Variants in CD207 observed in about 807,000 individuals in gnomAD.
The protein encoded by CD207 is CD207 molecule, also known as C-type lectin domain family 4 member K.
CD207 carries 28 observed loss-of-function variants against 31.6 expected under a neutral mutation model. The observed-to-expected ratio is 0.89, with a 90% CI of 0.66 to 1.21. CD207 has a LOEUF of 1.21. Ranked by LOEUF, CD207 falls within the 50% of genes most tolerant of loss-of-function variation. The pLI, the probability that CD207 is intolerant of heterozygous loss-of-function variation, is 0.00. For synonymous variants in CD207, 168 were observed against 153.9 expected, an observed-to-expected ratio of 1.09 and a Z score of -0.68; for missense variants, 388 against 397.8, an observed-to-expected ratio of 0.98 and a Z score of 0.21.
rs1180662392 is a variant in CD207 at position 70,833,765 on chromosome 2, G to A, written c.446C>T (p.Thr149Ile). 2 of 1,613,972 alleles carry A rather than the reference G, an allele frequency of 1.2e-6. No homozygotes were observed. The highest frequency in any genetic ancestry group is 1.7e-5 in the Admixed American group (1 of 60,016). Residue 149 changes from threonine to isoleucine, a missense_variant, in exon 3 of 6, where the codon ACC becomes ATC. Coordinates refer to ENST00000410009, the MANE Select transcript of CD207 (RefSeq NM_015717.5). ...ILTRSWEEVS[T>I]LNAQIPELKS... ...TAACTCTGGGATTTGGGCATTTAAG[G>A]TACTGACTTCTTCCCAACTTCTTGT...
intron 3 of CD207, 114 bp downstream of exon 3, chr2:70,833,532 C>G (rs564887250): frequency 8.0e-7 from 1 of 1,245,994 alleles, no homozygotes; most frequent in Non-Finnish European, 1.1e-6. Flanking sequence ...ATGGCTGCCC[C>G]TCTTTTGCCC....
intron 5 of CD207, 73 bp downstream of exon 5, chr2:70,831,628 C>T (rs1395954306): frequency 2.1e-5 from 19 of 887,592 alleles, no homozygotes; most frequent in Non-Finnish European, 2.9e-5. Context: ...TGGGGAACAT[C>T]GCCCCCACTC....
chr2:70,832,511 G>A (rs1480712398), intron 4 of CD207, among the ~76,000 whole-genome samples: 1 of 152,190 alleles, frequency 6.6e-6, no homozygotes, highest in African/African-American at 2.4e-5. Flanking sequence ...CCTGTTCCAG[G>A]AGTACTGGAA....
chr2:70,831,754 T>C lies in CD207; in HGVS notation c.783A>G (p.Glu261=). Residue 261 remains glutamate, a synonymous_variant, in exon 5 of 6, where the codon GAA becomes GAG. Coordinates refer to ENST00000410009, the MANE Select transcript of CD207 (RefSeq NM_015717.5). ...TGTCATCCACCCAGGACCAGTCCCC[T>C]TCCATCCCTGCTTTAGTCAGGCCAA... ...YWIGLTKAGM[E]GDWSWVDDTP... is the part of the protein sequence containing the mutation. The C allele has an allele frequency of 6.2e-7, 1 of 1,613,790 alleles. No homozygotes were observed. The highest frequency in any genetic ancestry group is 1.1e-5 in the South Asian group (1 of 91,086).
At chr2:70,824,621 C>CAAAGAAAAAAAAAAA in the CD207 span, among the ~76,000 whole-genome samples, 1 of 38,252 alleles carries the variant, frequency 2.6e-5, no homozygotes, top group Non-Finnish European at 4.8e-5. Context: ...TGCTTAGTTA[C>CAAAGAAAAAAAAAAA]CAAAAAAAAA....
chr2:70,831,028 G>T lies in CD207; in HGVS notation c.*22C>A, dbSNP rs781875236. On this transcript the variant is annotated 3_prime_UTR_variant, in exon 6 of 6. Transcript: ENST00000410009. ...TTTAACAAGCGTTGGAGCTCAAAGA[G>T]TGAGCTTGGGAGCCTGTCCTGTCAC... 5.6e-6 allele frequency: 9 copies of T among 1,602,888 alleles called. No individual in the cohort carries two copies. The highest frequency in any genetic ancestry group is 1.7e-5 in the Admixed American group (1 of 59,010).
chr2:70,835,698 G>T lies in CD207; in HGVS notation c.73+6C>A. 1.2e-6 allele frequency: 2 copies of T among 1,613,380 alleles called. No individual in the cohort carries two copies. Among genetic ancestry groups the T allele is most frequent in the Non-Finnish European group, 1.7e-6 (2 of 1,179,532 alleles). On this transcript the variant is annotated splice_donor_region_variant and intron_variant, in intron 1 of 5. Coordinates refer to ENST00000410009, the MANE Select transcript of CD207 (RefSeq NM_015717.5). The stretch of plus-strand genomic sequence containing the variant: ...GGAGCAGGTTCTCAGCAGCGATGTG[G>T]CTTGCCTCGGGGCCAGAGGGAGATG...
intron 4 of CD207, among the ~76,000 whole-genome samples, chr2:70,832,100 A>G (rs540022027): frequency 2.0e-5 from 3 of 152,362 alleles, no homozygotes; most frequent in South Asian, 4.1e-4. Flanking sequence ...ACTCCAGAGC[A>G]CGGACCGCAA....
chr2:70,824,575 G>A, the CD207 span, among the ~76,000 whole-genome samples: 50 of 127,902 alleles, frequency 3.9e-4, no homozygotes, highest in Middle Eastern at 5.6e-3. Context: ...CTCAAGATGA[G>A]CCTGGAGCAT....
chr2:70,825,480 ACT>A (rs1553398783), downstream of CD207, among the ~76,000 whole-genome samples: 1 of 151,884 alleles, frequency 6.6e-6, no homozygotes, highest in African/African-American at 2.4e-5. Context: ...GTATATAGAA[ACT>A]CTCTGTATTA....
At chr2:70,833,153 G>C (rs1300317034) in intron 3 of CD207, 102 bp from the exon 4 acceptor site, 7 of 1,104,042 alleles carry the variant, frequency 6.3e-6, no homozygotes, top group Non-Finnish European at 9.5e-6. Flanking sequence ...GCAGCAAATG[G>C]AGCTGTGCGC....
Position 70,831,808 on chromosome 2 carries a change from A to G in CD207, c.729T>C (p.Tyr243=). The change falls in exon 5 of 6, where the codon TAT becomes TAC. Residue 243 remains tyrosine, a synonymous_variant. Transcript: ENST00000410009. ...VTSESEQEFL[Y]KTAGGLIYWI... ...AGTAGATGAGTCCCCCCGCTGTTTTATACAGAAACTCCTGTAGGAAAGACA... is the reference window on the plus strand; with the variant it reads ...AGTAGATGAGTCCCCCCGCTGTTTTGTACAGAAACTCCTGTAGGAAAGACA... 2 of 1,603,154 alleles carry G rather than the reference A, an allele frequency of 1.2e-6. No individual in the cohort carries two copies. The highest frequency in any genetic ancestry group is 1.7e-6 in the Non-Finnish European group (2 of 1,170,266).
downstream of CD207, among the ~76,000 whole-genome samples, chr2:70,828,905 C>A (rs1677405878): frequency 6.6e-6 from 1 of 152,098 alleles, no homozygotes; most frequent in East Asian, 1.9e-4. Context: ...CCTCAGGTGA[C>A]CCACCCACTT....
At chr2:70,832,757 T>G in intron 4 of CD207, 143 bp downstream of exon 4, 1 of 797,030 alleles carries the variant, frequency 1.3e-6, no homozygotes, top group South Asian at 2.8e-5. Context: ...CCGGCCCTTA[T>G]TCGACATGCT....
In CD207 at chr2:70,834,218, G is replaced by C. The variant is rs144732266; in HGVS notation, c.191-198C>G. 3.3e-5 allele frequency among the ~76,000 whole-genome samples: 5 copies of C among 152,256 alleles called. No individual in the cohort carries two copies. The East Asian group carries it at 9.7e-4, about 29-fold the overall frequency. ...GCAATGGGCACCTACCATGTGCCAG[G>C]AACACAGGTGGATACAGATAATGGG... On this transcript the variant is annotated intron_variant, in intron 2 of 5. Transcript: ENST00000410009.
chr2:70,832,865 G>T (rs563353094), intron 4 of CD207, 35 bp downstream of exon 4: 23 of 1,582,818 alleles, frequency 1.5e-5, no homozygotes, highest in African/African-American at 2.7e-5. Context: ...GTGCTCATAC[G>T]CCCCCTTCAC....
At chr2:70,824,645 A>AAAAAAAAAAAAAAAT in the CD207 span, among the ~76,000 whole-genome samples, 1 of 150,662 alleles carries the variant, frequency 6.6e-6, no homozygotes, top group Non-Finnish European at 1.5e-5. Context: ...AAAAAAAAAA[A>AAAAAAAAAAAAAAAT]ACTGAGGGAA....
chr2:70,827,150 T>G (rs1295752070), downstream of CD207, among the ~76,000 whole-genome samples: 3 of 152,208 alleles, frequency 2.0e-5, no homozygotes, highest in African/African-American at 7.2e-5. Context: ...CATCCCACTC[T>G]GCCTAAATTC....
intron 4 of CD207, 42 bp downstream of exon 4, chr2:70,832,858 C>A (rs782512345): frequency 3.2e-6 from 5 of 1,565,844 alleles, no homozygotes; most frequent in Non-Finnish European, 4.3e-6. Context: ...TGGCCCAGTG[C>A]TCATACGCCC....
Sources: gnomAD v4.1 joint callset for allele counts (sites outside exome capture counted in the v4.1 genomes callset) on GRCh38, gnomAD v4.1.1 for gene constraint, MANE v1.5 for transcripts, NCBI Gene and HGNC (gene_info 2026-07-23, HGNC 2026-07-21) for gene names.